The following EPB41L5 variants were observed in gnomAD, a reference collection of about 807,000 sequenced individuals.
EPB41L5 encodes band 4.1-like protein 5.
Under a neutral mutation model 106.6 loss-of-function variants are expected in EPB41L5, and 55 were observed. The ratio of observed to expected loss-of-function variants is 0.52; its 90% confidence interval spans 0.42 to 0.65. EPB41L5 has a LOEUF of 0.65. EPB41L5 is among the 30% of genes least tolerant of loss of function. EPB41L5 has a pLI of 0.00. For missense variants in EPB41L5, 871 were observed against 882.1 expected (o/e 0.99, Z 0.16); for synonymous variants, 297 against 306.7 (o/e 0.97, Z 0.33).
intron 2 of EPB41L5, among the ~76,000 whole-genome samples, chr2:120,034,699 A>G (rs187004172): frequency 9.9e-5 from 15 of 152,158 alleles, no homozygotes; most frequent in African/African-American, 3.4e-4. Context: ...ACAAAAAAAA[A>G]ACCACACACA....
rs1269244122 is a variant in EPB41L5, at chr2:120,077,239, C to A, written c.637C>A (p.Pro213Thr). Reference protein sequence around the residue: ...EKWKEYRGQTPAQAETNYLNK... With the variant: ...EKWKEYRGQTTAQAETNYLNK... ...TGTTTTAAATTTCAGAGGTCAAACA[C>A]CAGCACAGGCTGAAACCAATTATCT... The change falls in exon 9 of 25, where the codon CCA becomes ACA. Residue 213 changes from proline (P) to threonine (T), a missense_variant. Transcript: ENST00000263713. The A allele has an allele frequency of 6.2e-7, 1 of 1,609,796 alleles. No homozygotes were observed. The highest frequency in any genetic ancestry group is 8.5e-7 in the Non-Finnish European group (1 of 1,177,598).
intron 10 of EPB41L5, among the ~76,000 whole-genome samples, chr2:120,084,055 A>G (rs906663535): frequency 2.0e-5 from 3 of 152,074 alleles, no homozygotes; most frequent in Non-Finnish European, 2.9e-5. Context: ...TCTTTATCCA[A>G]TTTGCCAGTC....
chr2:120,104,335 T>C (rs1558878457), intron 16 of EPB41L5: 2 of 1,428,328 alleles, frequency 1.4e-6, no homozygotes, highest in Non-Finnish European at 1.8e-6. Flanking sequence ...TTAGGAGTAT[T>C]TGGGAGAATT....
At chr2:120,098,157 T>TGTGTGTGTGG in intron 14 of EPB41L5, among the ~76,000 whole-genome samples, 1 of 898 alleles carries the variant, frequency 1.1e-3, no homozygotes, top group South Asian at 0.045. Flanking sequence ...TTGTTTGTTT[T>TGTGTGTGTGG]GTGTGTGTGT....
intron 16 of EPB41L5, among the ~76,000 whole-genome samples, chr2:120,112,851 G>A (rs929163056): frequency 6.6e-6 from 1 of 152,138 alleles, no homozygotes; most frequent in Non-Finnish European, 1.5e-5. Flanking sequence ...TCCTTATGAG[G>A]ATCTATAAGG....
intron 3 of EPB41L5, among the ~76,000 whole-genome samples, chr2:120,069,128 C>CAAAAAAAAAAAAAAAAAAA (rs539813602): frequency 1.3e-5 from 1 of 79,556 alleles, no homozygotes. Flanking sequence ...AACTCTGTCT[C>CAAAAAAAAAAAAAAAAAAA]AAAAAAAAAA....
chr2:120,054,852 A>G (rs1176120986), intron 3 of EPB41L5, among the ~76,000 whole-genome samples: 3 of 145,288 alleles, frequency 2.1e-5, no homozygotes, highest in East Asian at 4.1e-4. Context: ...CCATTGATAC[A>G]TACATATATA....
chr2:120,065,061 A>G (rs988042287), intron 3 of EPB41L5, among the ~76,000 whole-genome samples: 2 of 152,148 alleles, frequency 1.3e-5, no homozygotes, highest in African/African-American at 4.8e-5. Context: ...AGAGATGAAA[A>G]TGCCTGCCTG....
chr2:120,126,335 T>A (rs1424365674), intron 16 of EPB41L5, among the ~76,000 whole-genome samples: 1 of 152,190 alleles, frequency 6.6e-6, no homozygotes, highest in Non-Finnish European at 1.5e-5. Context: ...GTTTTTCTTT[T>A]ATGGATACTT....
At chr2:120,057,496 A>G (rs1205446514) in intron 3 of EPB41L5, among the ~76,000 whole-genome samples, 2 of 152,222 alleles carry the variant, frequency 1.3e-5, no homozygotes, top group African/African-American at 4.8e-5. Flanking sequence ...CCCAAGCCCA[A>G]CTATGAATTC....
intron 2 of EPB41L5, among the ~76,000 whole-genome samples, chr2:120,022,902 G>T (rs1047030456): frequency 6.6e-6 from 1 of 152,118 alleles, no homozygotes; most frequent in Non-Finnish European, 1.5e-5. Context: ...ATCTCATTGT[G>T]ATTTTGATTT....
intron 16 of EPB41L5, among the ~76,000 whole-genome samples, chr2:120,126,029 A>T (rs1685445941): frequency 6.6e-6 from 1 of 152,154 alleles, no homozygotes; most frequent in Non-Finnish European, 1.5e-5. Context: ...CCCTATGTGT[A>T]TCTGTGTCCA....
intron 24 of EPB41L5, among the ~76,000 whole-genome samples, chr2:120,172,131 G>A (rs1212525363): frequency 1.3e-5 from 2 of 152,084 alleles, no homozygotes; most frequent in Non-Finnish European, 2.9e-5. Context: ...ATAGAAAGAT[G>A]AAAACTGGGA....
chr2:120,054,660 A>G (rs563167099), intron 3 of EPB41L5, among the ~76,000 whole-genome samples: 1 of 151,694 alleles, frequency 6.6e-6, no homozygotes, highest in African/African-American at 2.4e-5. Flanking sequence ...TGATTCATTT[A>G]GAGTTAATTT....
At chr2:120,046,829 AT>A (rs1300768918) in intron 3 of EPB41L5, among the ~76,000 whole-genome samples, 1 of 152,136 alleles carries the variant, frequency 6.6e-6, no homozygotes, top group Non-Finnish European at 1.5e-5. Context: ...TCTTGAATTA[AT>A]TTTTGTATAA....
intron 16 of EPB41L5, among the ~76,000 whole-genome samples, chr2:120,125,906 ACT>A (rs1459334243): frequency 6.6e-6 from 1 of 151,676 alleles, no homozygotes; most frequent in Non-Finnish European, 1.5e-5. Context: ...TCTGAGAAAG[ACT>A]CTATTCTGTG....
At chr2:120,153,891 C>T (rs1430686358) in intron 20 of EPB41L5, among the ~76,000 whole-genome samples, 1 of 152,174 alleles carries the variant, frequency 6.6e-6, no homozygotes, top group African/African-American at 2.4e-5. Context: ...ATCTTTGGAT[C>T]ATAGTGAGGC....
Position 120,024,975 on chromosome 2 carries a change from T to C in EPB41L5, c.180+5711T>C, listed in dbSNP as rs560832194. Among the ~76,000 whole-genome samples the C allele has an allele frequency of 5.3e-5, 8 of 152,318 alleles. No individual in the cohort carries two copies. In the South Asian group the frequency reaches 1.2e-3, roughly 24 times the overall value. ...TTAGCCTGAAATTTTCTTTTTTTGT[T>C]TTATCTCTGCCAAGTTTTGGTATCA... On this transcript the variant is annotated intron_variant, in intron 2 of 24. Transcript: ENST00000263713.
chr2:120,046,878 T>G (rs914677106), intron 3 of EPB41L5, among the ~76,000 whole-genome samples: 2 of 152,236 alleles, frequency 1.3e-5, no homozygotes, highest in Non-Finnish European at 2.9e-5. Context: ...TTTCTACATA[T>G]GGCTAGCCAG....
Sources: allele counts gnomAD v4.1 joint callset (sites outside exome capture counted in the v4.1 genomes callset), GRCh38; gene constraint gnomAD v4.1.1; transcripts MANE v1.5; gene names NCBI Gene and HGNC (gene_info 2026-07-23, HGNC 2026-07-21).